Variants in ATXN7 observed in about 807,000 individuals in gnomAD.
ATXN7 encodes the protein ataxin-7.
Under a neutral mutation model 70.5 loss-of-function variants are expected in ATXN7, and 12 were observed. The ratio of observed to expected loss-of-function variants is 0.17; its 90% confidence interval spans 0.11 to 0.28. The LOEUF is 0.28. Among genes scored for constraint, ATXN7 ranks in the 10% least tolerant of loss-of-function variants. The pLI is 1.00. For missense variants in ATXN7, 1,256 were observed against 1,131.7 expected, an observed-to-expected ratio of 1.11 and a Z score of -1.58; for synonymous variants, 498 against 448.7, an observed-to-expected ratio of 1.11 and a Z score of -1.39.
chr3:63,921,935 G>C (rs1275212422), intron 4 of ATXN7, among the ~76,000 whole-genome samples: 1 of 152,212 alleles, frequency 6.6e-6, no homozygotes. Context: ...AAAGTGAAAT[G>C]CCAGTTTTGC....
At chr3:63,954,709 TTG>T (rs1491410888) in intron 5 of ATXN7, among the ~76,000 whole-genome samples, 3 of 145,182 alleles carry the variant, frequency 2.1e-5, no homozygotes, top group Admixed American at 6.8e-5. Context: ...GTTTTTTTTT[TTG>T]TTTTTTTTTT....
rs1702599283 is a variant in ATXN7 at position 63,871,804 on chromosome 3, T to C, written c.-111+7646T>C. On this transcript the variant is annotated intron_variant, in intron 1 of 12. Coordinates refer to ENST00000674280, the MANE Select transcript of ATXN7 (RefSeq NM_001377405.1). Reference sequence around the variant, plus strand: ...AGAATCTGTTTTAATTATTAAATTATAATCTAAAACTATAATTTTGATTAT... The same window carrying C: ...AGAATCTGTTTTAATTATTAAATTACAATCTAAAACTATAATTTTGATTAT... 2.0e-5 allele frequency among the ~76,000 whole-genome samples: 3 copies of C among 152,164 alleles called. No homozygotes were observed. In the South Asian group the frequency reaches 6.2e-4, roughly 31 times the overall value.
At chr3:63,903,132 C>T (rs148123437) in intron 2 of ATXN7, among the ~76,000 whole-genome samples, 1,838 of 152,164 alleles carry the variant, frequency 0.012, 16 homozygotes, top group Middle Eastern at 0.034. Flanking sequence ...CGGTGGCTCA[C>T]GCCTGTAATT....
intron 1 of ATXN7, among the ~76,000 whole-genome samples, chr3:63,872,361 G>T (rs571416313): frequency 6.6e-6 from 1 of 152,210 alleles, no homozygotes; most frequent in Non-Finnish European, 1.5e-5. Context: ...TCCATTGGTA[G>T]TGCCTGGCCT....
chr3:63,982,040 C>T, intron 6 of ATXN7, 146 bp from the exon 7 acceptor site: 1 of 1,100,806 alleles, frequency 9.1e-7, no homozygotes, highest in South Asian at 1.5e-5. Flanking sequence ...ACCTTACTAA[C>T]AAAACTCATA....
chr3:63,876,607 A>G (rs1702754631), intron 1 of ATXN7, among the ~76,000 whole-genome samples: 1 of 152,188 alleles, frequency 6.6e-6, no homozygotes, highest in Non-Finnish European at 1.5e-5. Flanking sequence ...CCTAGAAAAG[A>G]TTTTTCAGTA....
intron 5 of ATXN7, among the ~76,000 whole-genome samples, chr3:63,960,412 G>A (rs779243253): frequency 1.3e-5 from 2 of 152,200 alleles, no homozygotes; most frequent in African/African-American, 2.4e-5. Context: ...TGGCCAGGAA[G>A]TGTTATGATC....
intron 4 of ATXN7, among the ~76,000 whole-genome samples, chr3:63,924,990 A>T (rs1704660122): frequency 6.6e-6 from 1 of 152,212 alleles, no homozygotes; most frequent in Non-Finnish European, 1.5e-5. Context: ...TGATAATCAC[A>T]AGTATAGTAC....
intron 11 of ATXN7, among the ~76,000 whole-genome samples, chr3:63,992,478 A>T (rs771666495): frequency 6.6e-6 from 1 of 152,114 alleles, no homozygotes; most frequent in Non-Finnish European, 1.5e-5. Context: ...AAGCACACTG[A>T]GCTCATGAAA....
chr3:63,937,562 A>G (rs965634892), intron 4 of ATXN7, among the ~76,000 whole-genome samples: 5 of 152,220 alleles, frequency 3.3e-5, no homozygotes, highest in African/African-American at 9.6e-5. Context: ...TACATACACA[A>G]GTGTCTTAAA....
At chr3:63,917,004 C>T (rs1704297585) in intron 4 of ATXN7, among the ~76,000 whole-genome samples, 1 of 152,088 alleles carries the variant, frequency 6.6e-6, no homozygotes, top group Non-Finnish European at 1.5e-5. Context: ...ACTGCAACTT[C>T]CGCTTCCTGG....
At chr3:63,936,165 G>A (rs1219527367) in intron 4 of ATXN7, among the ~76,000 whole-genome samples, 5 of 152,128 alleles carry the variant, frequency 3.3e-5, no homozygotes, top group East Asian at 1.9e-4. Flanking sequence ...AACGTTAGTC[G>A]CTTTTCCCTT....
intron 1 of ATXN7, among the ~76,000 whole-genome samples, chr3:63,870,060 A>G (rs1236938116): frequency 6.6e-6 from 1 of 152,208 alleles, no homozygotes; most frequent in Non-Finnish European, 1.5e-5. Context: ...GTAAAGGACC[A>G]TATAGTAAAT....
At position 64,002,558 on chromosome 3, in the gene ATXN7, T is replaced by C. The variant is rs1331486430; in HGVS notation, c.*3091T>C. 6.6e-6 allele frequency: 1 copy of C among 152,160 alleles called. No individual in the cohort carries two copies. The highest frequency in any genetic ancestry group is 1.5e-5 in the Non-Finnish European group (1 of 68,030). 9.4% of individuals were successfully genotyped at this position (152,160 alleles called of 1,614,324 possible). ...AGCACATGTATGTTACTATGTGATG[T>C]GGTTTAAAACTAATGGAAAAAACTG... On this transcript the variant is annotated 3_prime_UTR_variant, in exon 13 of 13. Transcript: ENST00000674280.
intron 1 of ATXN7, among the ~76,000 whole-genome samples, chr3:63,867,326 CT>C (rs1702463848): frequency 6.6e-6 from 1 of 152,084 alleles, no homozygotes; most frequent in South Asian, 2.1e-4. Flanking sequence ...GAATTCTTTT[CT>C]TTTCTTTCTT....
intron 4 of ATXN7, among the ~76,000 whole-genome samples, chr3:63,943,168 C>T (rs2074798942): frequency 6.6e-6 from 1 of 152,206 alleles, no homozygotes; most frequent in Non-Finnish European, 1.5e-5. Flanking sequence ...AGCCTAGAGC[C>T]AGGCAGGCAA....
At chr3:63,915,374 A>C (rs1053219937) in intron 4 of ATXN7, among the ~76,000 whole-genome samples, 2 of 152,126 alleles carry the variant, frequency 1.3e-5, no homozygotes, top group Admixed American at 6.5e-5. Context: ...TCAGTTCTTC[A>C]TTTGTTTGTG....
At chr3:63,903,802 C>A (rs1703738608) in intron 2 of ATXN7, 1 of 152,200 alleles carries the variant, frequency 6.6e-6, no homozygotes, top group African/African-American at 2.4e-5. Flanking sequence ...ATCTCCAACT[C>A]ATGTTCCTAT....
chr3:63,911,057 TCCTC>T (rs1250061388), intron 2 of ATXN7, among the ~76,000 whole-genome samples: 1 of 152,112 alleles, frequency 6.6e-6, no homozygotes, highest in Non-Finnish European at 1.5e-5. Context: ...GAATTCCACT[TCCTC>T]CCCATCTAGT....
Sources: allele counts gnomAD v4.1 joint callset (sites outside exome capture counted in the v4.1 genomes callset), GRCh38; gene constraint gnomAD v4.1.1; transcripts MANE v1.5; gene names NCBI Gene and HGNC (gene_info 2026-07-23, HGNC 2026-07-21).